The following NRG3 variants were observed in gnomAD, a reference collection of about 807,000 sequenced individuals.
NRG3 encodes the protein pro-neuregulin-3, membrane-bound isoform.
In NRG3, 31 loss-of-function variants were observed where a neutral mutation model predicts 66.9. The ratio of observed to expected loss-of-function variants is 0.46; its 90% confidence interval spans 0.35 to 0.63. NRG3 has a LOEUF of 0.63. Ranked by LOEUF, NRG3 falls within the 20% of genes least tolerant of loss-of-function variation. NRG3 has a pLI of 0.00. For missense variants in NRG3, 910 were observed against 878.9 expected (o/e 1.04, Z -0.45); for synonymous variants, 393 against 359.4 (o/e 1.09, Z -1.06).
intron 2 of NRG3, among the ~76,000 whole-genome samples, chr10:82,691,348 T>C (rs1042389533): frequency 3.3e-5 from 5 of 152,206 alleles, no homozygotes; most frequent in Admixed American, 6.5e-5. Context: ...AAATACTGTC[T>C]TCTTGTCCTA....
At chr10:81,961,440 C>G (rs1026470856) in intron 1 of NRG3, among the ~76,000 whole-genome samples, 2 of 151,092 alleles carry the variant, frequency 1.3e-5, no homozygotes, top group Non-Finnish European at 2.9e-5. Context: ...ACACCGTGAC[C>G]AGGCTCTAGC....
chr10:82,042,755 TTTGAG>T (rs1280350831), intron 1 of NRG3, among the ~76,000 whole-genome samples: 5 of 152,030 alleles, frequency 3.3e-5, no homozygotes, highest in East Asian at 1.9e-4. Flanking sequence ...TATTAGGCTG[TTTGAG>T]TTATCTGTGC....
intron 1 of NRG3, among the ~76,000 whole-genome samples, chr10:81,903,016 C>A (rs1012737109): frequency 1.3e-5 from 2 of 151,950 alleles, no homozygotes; most frequent in African/African-American, 4.8e-5. Flanking sequence ...AAAAAGGAAA[C>A]CTGAAGTGAA....
chr10:82,931,061 G>A (rs1281522240), intron 4 of NRG3, among the ~76,000 whole-genome samples: 2 of 152,032 alleles, frequency 1.3e-5, no homozygotes, highest in African/African-American at 4.8e-5. Context: ...GTTAAGACAG[G>A]CCCAGGGCAT....
At chr10:82,222,634 T>G (rs535618256) in intron 1 of NRG3, among the ~76,000 whole-genome samples, 1 of 152,226 alleles carries the variant, frequency 6.6e-6, no homozygotes, top group Admixed American at 6.5e-5. Flanking sequence ...TAACATCTCT[T>G]GAATTGTTTG....
At chr10:82,276,162 A>G (rs567202411) in intron 1 of NRG3, among the ~76,000 whole-genome samples, 2 of 152,108 alleles carry the variant, frequency 1.3e-5, no homozygotes, top group Admixed American at 6.6e-5. Context: ...TTTGAACATA[A>G]TGGATACACA....
intron 2 of NRG3, among the ~76,000 whole-genome samples, chr10:82,728,533 C>T (rs1018127418): frequency 2.6e-5 from 4 of 152,214 alleles, no homozygotes; most frequent in African/African-American, 7.2e-5. Flanking sequence ...GAGATCTCCT[C>T]AGCCATGTGG....
chr10:82,313,189 T>C (rs1251990927), intron 1 of NRG3, among the ~76,000 whole-genome samples: 1 of 151,636 alleles, frequency 6.6e-6, no homozygotes, highest in Non-Finnish European at 1.5e-5. Flanking sequence ...ACAAAAAAAT[T>C]AGCTGGGCAT....
At chr10:82,365,231 G>T (rs901678941) in intron 2 of NRG3, among the ~76,000 whole-genome samples, 1 of 152,130 alleles carries the variant, frequency 6.6e-6, no homozygotes, top group Non-Finnish European at 1.5e-5. Context: ...AATGAAAATG[G>T]AGTTTTGGCA....
chr10:82,128,189 A>G (rs1000891917), intron 1 of NRG3, among the ~76,000 whole-genome samples: 1 of 151,940 alleles, frequency 6.6e-6, no homozygotes, highest in African/African-American at 2.4e-5. Context: ...GTTCCGGACA[A>G]TCATCTTTAT....
At chr10:82,313,191 G>T (rs2135009903) in intron 1 of NRG3, among the ~76,000 whole-genome samples, 1 of 151,948 alleles carries the variant, frequency 6.6e-6, no homozygotes, top group South Asian at 2.1e-4. Flanking sequence ...AAAAAAATTA[G>T]CTGGGCATGG....
intron 1 of NRG3, among the ~76,000 whole-genome samples, chr10:82,072,148 T>C (rs2064843896): frequency 6.6e-6 from 1 of 152,208 alleles, no homozygotes; most frequent in African/African-American, 2.4e-5. Context: ...CAAACATGTT[T>C]GCATATGATA....
chr10:82,603,671 GA>G (rs1030388477), intron 2 of NRG3, among the ~76,000 whole-genome samples: 5 of 150,214 alleles, frequency 3.3e-5, no homozygotes, highest in African/African-American at 4.9e-5. Context: ...ATTTATTTCT[GA>G]AAAAAAAAGT....
intron 2 of NRG3, among the ~76,000 whole-genome samples, chr10:82,528,763 C>A (rs1420044425): frequency 6.6e-6 from 1 of 151,844 alleles, no homozygotes; most frequent in African/African-American, 2.4e-5. Context: ...TGGCTTTTTT[C>A]TATTAGTGAG....
At chr10:81,977,681 A>C (rs1344025651) in intron 1 of NRG3, among the ~76,000 whole-genome samples, 1 of 152,200 alleles carries the variant, frequency 6.6e-6, no homozygotes, top group Admixed American at 6.5e-5. Context: ...TTCTAAATGA[A>C]AACACTCTGT....
intron 2 of NRG3, among the ~76,000 whole-genome samples, chr10:82,583,432 G>A (rs914139666): frequency 2.0e-5 from 3 of 152,178 alleles, no homozygotes; most frequent in Non-Finnish European, 4.4e-5. Context: ...TGGCAAGAGA[G>A]AAAATAAGCC....
At chr10:82,341,084 C>T (rs1334083936) in intron 1 of NRG3, among the ~76,000 whole-genome samples, 1 of 152,122 alleles carries the variant, frequency 6.6e-6, no homozygotes, top group African/African-American at 2.4e-5. Context: ...TGTATCAAAG[C>T]ATCTCATGTA....
At chr10:82,372,913 T>C (rs192088026) in intron 2 of NRG3, among the ~76,000 whole-genome samples, 6 of 152,324 alleles carry the variant, frequency 3.9e-5, no homozygotes, top group Non-Finnish European at 5.9e-5. Flanking sequence ...ATTTTAGATG[T>C]AGGAAATGAT....
chr10:82,092,432 A>C (rs2066080129), intron 1 of NRG3, among the ~76,000 whole-genome samples: 1 of 151,926 alleles, frequency 6.6e-6, no homozygotes, highest in African/African-American at 2.4e-5. Flanking sequence ...CTCAACTTTC[A>C]AGCACCATTT....
Sources: gnomAD v4.1 joint callset for allele counts (sites outside exome capture counted in the v4.1 genomes callset) on GRCh38, gnomAD v4.1.1 for gene constraint, MANE v1.5 for transcripts, NCBI Gene and HGNC (gene_info 2026-07-23, HGNC 2026-07-21) for gene names.